Variants in SOD2 observed in about 807,000 individuals in gnomAD.
SOD2 encodes superoxide dismutase 2, also known as superoxide dismutase [Mn], mitochondrial.
In SOD2, 11 loss-of-function variants were observed where a neutral mutation model predicts 27.0. The observed-to-expected ratio is 0.41, with a 90% confidence interval of 0.26 to 0.67. SOD2 has a LOEUF of 0.67. Ranked by LOEUF, SOD2 falls within the 30% of genes least tolerant of loss-of-function variation. SOD2 has a pLI of 0.34. For synonymous variants in SOD2, 105 were observed against 103.0 expected, an observed-to-expected ratio of 1.02 and a Z score of -0.12; for missense variants, 250 against 274.5, an observed-to-expected ratio of 0.91 and a Z score of 0.63.
intron 1 of SOD2, chr6:159,736,394 G>C (rs1239036156): frequency 1.0e-6 from 1 of 959,116 alleles, no homozygotes; most frequent in East Asian, 2.4e-5. Flanking sequence ...GATTATCGTT[G>C]TTTGCTTATT....
intron 1 of SOD2, among the ~76,000 whole-genome samples, chr6:159,708,250 T>G (rs1317746212): frequency 1.3e-5 from 2 of 152,222 alleles, no homozygotes; most frequent in Middle Eastern, 3.2e-3. Flanking sequence ...TTCAACATAG[T>G]GTTGGAAGTT....
At chr6:159,726,678 A>T in intron 1 of SOD2, 2 of 923,270 alleles carry the variant, frequency 2.2e-6, no homozygotes, top group Non-Finnish European at 2.9e-6. Context: ...CCCGTGTTCC[A>T]GTTAGCAAGG....
At chr6:159,692,097 G>C (rs41267777) in intron 2 of SOD2, 2 of 167,656 alleles carry the variant, frequency 1.2e-5, no homozygotes, top group African/African-American at 4.7e-5. Context: ...GCACGGAGTA[G>C]TGTCCTCCTG....
At chr6:159,743,667 A>G in intron 1 of SOD2, 1 of 1,595,188 alleles carries the variant, frequency 6.3e-7, no homozygotes. Flanking sequence ...ATCATCAGCT[A>G]ATGATGTAAC....
chr6:159,754,043 AAG>A (rs2114959529), intron 1 of SOD2, among the ~76,000 whole-genome samples: 1 of 152,216 alleles, frequency 6.6e-6, no homozygotes, highest in East Asian at 1.9e-4. Context: ...ATTAGTGAAT[AAG>A]AGATTTAATC....
intron 1 of SOD2, among the ~76,000 whole-genome samples, chr6:159,742,935 C>A (rs965606827): frequency 6.6e-6 from 1 of 152,004 alleles, no homozygotes; most frequent in African/African-American, 2.4e-5. Context: ...CCCGGGAGGT[C>A]AAGGCTGCTG....
At chr6:159,712,615 T>C (rs1465615147) in intron 1 of SOD2, among the ~76,000 whole-genome samples, 1 of 144,650 alleles carries the variant, frequency 6.9e-6, no homozygotes, top group Non-Finnish European at 1.5e-5. Flanking sequence ...ACTCAGCTGC[T>C]CTGACCTCCA....
upstream of SOD2, among the ~76,000 whole-genome samples, chr6:159,698,221 T>G (rs1777461095): frequency 6.6e-6 from 1 of 151,932 alleles, no homozygotes; most frequent in African/African-American, 2.4e-5. Context: ...TGCAGTGAGC[T>G]GAGATCTCGC....
At chr6:159,731,043 A>G, upstream of SOD2, 1 of 152,542 alleles carries the variant, frequency 6.6e-6, no homozygotes, top group Non-Finnish European at 1.5e-5. Flanking sequence ...TGGGAGGCTG[A>G]GGCAGTAGAA....
chr6:159,699,781 C>T (rs1777492373), intron 1 of SOD2, among the ~76,000 whole-genome samples: 1 of 152,168 alleles, frequency 6.6e-6, no homozygotes, highest in East Asian at 1.9e-4. Context: ...CTGGCTGAAT[C>T]TCTGGGCCAG....
exon 1 of SOD2, chr6:159,761,733 A>G: frequency 2.8e-6 from 1 of 359,840 alleles, no homozygotes; most frequent in South Asian, 2.1e-5. Flanking sequence ...AAGTCGGGGA[A>G]CTCCAACATT....
Position 159,681,030 on chromosome 6 carries a change from T to TGTA in SOD2, c.*1460_*1462dup, listed in dbSNP as rs2114759116. On this transcript the variant is annotated 3_prime_UTR_variant, in exon 5 of 5. Transcript: ENST00000538183. Reference sequence around the variant, plus strand: ...CAGAGTTGCTCACCCCAGCATTATCTGTAGTAACAATTAGAAACAAATGAA... The same window carrying TGTA: ...CAGAGTTGCTCACCCCAGCATTATCTGTAGTAGTAACAATTAGAAACAAATGAA... 1 of 151,424 alleles carries TGTA rather than the reference T, an allele frequency of 6.6e-6. No individual in the cohort carries two copies. Among genetic ancestry groups the TGTA allele is most frequent in the South Asian group, 2.1e-4 (1 of 4,800 alleles). 9.4% of individuals were successfully genotyped at this position (151,424 alleles called of 1,614,324 possible).
chr6:159,688,070 C>T, intron 3 of SOD2, 56 bp downstream of exon 3: 1 of 955,226 alleles, frequency 1.0e-6, no homozygotes, highest in Non-Finnish European at 1.7e-6. Context: ...AGTAAATCAA[C>T]AATCGATTCC....
intron 1 of SOD2, among the ~76,000 whole-genome samples, chr6:159,752,446 GA>G (rs1779855660): frequency 6.6e-6 from 1 of 151,914 alleles, no homozygotes. Flanking sequence ...ATTTTATTGG[GA>G]AACATTTGAG....
intron 1 of SOD2, among the ~76,000 whole-genome samples, chr6:159,737,709 C>G (rs1779006127): frequency 6.6e-6 from 1 of 152,056 alleles, no homozygotes. Context: ...CCAGGCTGAT[C>G]TTGAACTCCC....
upstream of SOD2, chr6:159,748,069 A>T (rs1226487349): frequency 3.2e-6 from 4 of 1,243,596 alleles, no homozygotes; most frequent in Non-Finnish European, 4.4e-6. This position sits in a 1 kb window ranked among gnomAD's most constrained non-coding sequence, Gnocchi z 5.6. Flanking sequence ...GAATTTCAGG[A>T]TCAAAGAGGG....
At chr6:159,717,618 T>C (rs1583043830) in intron 1 of SOD2, among the ~76,000 whole-genome samples, 1 of 152,296 alleles carries the variant, frequency 6.6e-6, no homozygotes, top group Non-Finnish European at 1.5e-5. Flanking sequence ...TTGTTTGTTA[T>C]TATAGTTACC....
intron 1 of SOD2, among the ~76,000 whole-genome samples, chr6:159,741,032 T>G (rs1779227208): frequency 6.6e-6 from 1 of 152,182 alleles, no homozygotes; most frequent in South Asian, 2.1e-4. Context: ...ATGACAAGCC[T>G]GTTTTTAAGA....
At chr6:159,687,866 C>G (rs779734626) in intron 3 of SOD2, among the ~76,000 whole-genome samples, 3 of 151,996 alleles carry the variant, frequency 2.0e-5, no homozygotes, top group Non-Finnish European at 4.4e-5. Context: ...CAAAAATTAG[C>G]CAGGCGTGGT....
Sources: gnomAD v4.1 joint callset for allele counts (sites outside exome capture counted in the v4.1 genomes callset) on GRCh38, gnomAD v4.1.1 for gene constraint, Gnocchi (gnomAD v3.1) non-coding constraint, MANE v1.5 for transcripts, NCBI Gene and HGNC (gene_info 2026-07-23, HGNC 2026-07-21) for gene names.